Variants in TRRAP observed in about 807,000 individuals in gnomAD.
TRRAP encodes transformation/transcription domain associated protein.
In TRRAP, 41 loss-of-function variants were observed where a neutral mutation model predicts 438.8. That is an observed-to-expected ratio of 0.09 (90% confidence interval 0.07 to 0.12). The LOEUF is 0.12. TRRAP is among the 10% of genes least tolerant of loss of function. TRRAP has a pLI of 1.00. For missense variants in TRRAP, 3,122 were observed against 5,055.1 expected (o/e 0.62, Z 11.60); for synonymous variants, 1,994 against 1,962.9 (o/e 1.02, Z -0.42).
At chr7:98,965,114 ACT>A (rs1252558323) in intron 48 of TRRAP, among the ~76,000 whole-genome samples, 2 of 151,818 alleles carry the variant, frequency 1.3e-5, no homozygotes, top group Non-Finnish European at 2.9e-5. Flanking sequence ...ACAGATTGAG[ACT>A]CTCTCTCACG....
Position 98,930,682 on chromosome 7 carries a change from G to A in TRRAP, c.3443G>A (p.Cys1148Tyr). ...FSYIVERLCACCYEQAWYAKL... is the reference protein window; with the variant it reads ...FSYIVERLCAYCYEQAWYAKL... ...TACATCGTGGAGCGCCTGTGTGCAT[G>A]TTGTTATGAACAGGCGTGGTATGCA... The change falls in exon 25 of 73, where the codon TGT (cysteine) becomes TAT (tyrosine). Residue 1148 changes from cysteine (C) to tyrosine (Y), a missense_variant. Transcript: ENST00000456197. 1 of 1,614,202 alleles carries A rather than the reference G, an allele frequency of 6.2e-7. No homozygotes were observed. The highest frequency in any genetic ancestry group is 8.5e-7 in the Non-Finnish European group (1 of 1,180,048).
intron 26 of TRRAP, among the ~76,000 whole-genome samples, chr7:98,932,432 A>G (rs1790365131): frequency 6.6e-6 from 1 of 152,064 alleles, no homozygotes; most frequent in Admixed American, 6.6e-5. Flanking sequence ...TAACTTTTAA[A>G]ATTATTTCTT....
At chr7:98,938,028 G>A (rs1554414694) in intron 30 of TRRAP, among the ~76,000 whole-genome samples, 1 of 152,110 alleles carries the variant, frequency 6.6e-6, no homozygotes, top group African/African-American at 2.4e-5. Flanking sequence ...ACACAAATTA[G>A]CCTGGTGTGG....
At position 99,008,518 on chromosome 7, in the gene TRRAP, G is replaced by A; in HGVS notation, c.10895G>A (p.Arg3632Gln). The part of the protein sequence containing the change: ...HDNPISRYYD[R>Q]LATVQARGTQ... Reference sequence around the variant, plus strand: ...AACCCCATCTCCCGTTACTATGACCGGCTGGCTACGGTGCAGGCGCGGGGA... The same window carrying A: ...AACCCCATCTCCCGTTACTATGACCAGCTGGCTACGGTGCAGGCGCGGGGA... Residue 3632 changes from arginine to glutamine, a missense_variant, in exon 70 of 73, where the codon CGG becomes CAG. Coordinates refer to ENST00000456197, the MANE Select transcript of TRRAP (RefSeq NM_001375524.1). 1.9e-6 allele frequency: 3 copies of A among 1,614,124 alleles called. No individual in the cohort carries two copies. Among genetic ancestry groups the A allele is most frequent in the East Asian group, 2.2e-5 (1 of 44,892 alleles).
rs1407291619 is a variant in TRRAP at position 98,983,594 on chromosome 7, A to AT, written c.9022+136dup. On this transcript the variant is annotated intron_variant, in intron 60 of 72. Transcript: ENST00000456197. ...CAGGTTTTCTATTTTGGGGTAGGGA[A>AT]TGACAGGTCGGGGTGGTAATGGTAC... 13 of 963,538 alleles carry AT rather than the reference A, an allele frequency of 1.3e-5. No individual in the cohort carries two copies. In the East Asian group the frequency reaches 3.2e-4, roughly 23 times the overall value. 59.7% of individuals were successfully genotyped at this position (963,538 alleles called of 1,614,324 possible).
intron 36 of TRRAP, 36 bp from the exon 37 acceptor site, chr7:98,949,624 C>A: frequency 2.5e-6 from 4 of 1,595,198 alleles, no homozygotes; most frequent in South Asian, 1.1e-5. Context: ...GGGGTTTAAT[C>A]GAGACACGGT....
intron 8 of TRRAP, among the ~76,000 whole-genome samples, chr7:98,898,882 T>C (rs1482146747): frequency 5.3e-5 from 8 of 152,320 alleles, no homozygotes; most frequent in Admixed American, 1.3e-4. Context: ...CAAATGATTA[T>C]GTAGAAAAAT....
chr7:98,965,012 G>A (rs73711457), intron 48 of TRRAP, among the ~76,000 whole-genome samples: 79 of 152,326 alleles, frequency 5.2e-4, no homozygotes, highest in African/African-American at 1.7e-3. Flanking sequence ...GCTCCTCAGC[G>A]GGCTGAGGCA....
chr7:98,888,846 T>C lies in TRRAP; in HGVS notation c.151-1489T>C, dbSNP rs142189674. Among the ~76,000 whole-genome samples, 14 of 152,310 alleles carry C rather than the reference T, an allele frequency of 9.2e-5. No individual in the cohort carries two copies. The East Asian group carries it at 2.1e-3, about 23-fold the overall frequency. ...GTTCTGTATCCTTAGTCTTTTTGTT[T>C]GATATCTGTCTTCCTTCTGCTGCTG... is the stretch of plus-strand genomic sequence containing the variant. On this transcript the variant is annotated intron_variant, in intron 3 of 72. Coordinates refer to ENST00000456197, the MANE Select transcript of TRRAP (RefSeq NM_001375524.1).
chr7:98,925,586 C>T (rs1334060151), intron 22 of TRRAP, among the ~76,000 whole-genome samples: 5 of 152,200 alleles, frequency 3.3e-5, no homozygotes, highest in Non-Finnish European at 5.9e-5. Context: ...CAGCAGCTGG[C>T]GCCTGAAAGG....
Position 99,011,069 on chromosome 7 carries a change from CAAG to C in TRRAP, c.10957_10959del (p.Lys3653del). Reference sequence around the variant, plus strand: ...TGTTTCAGGTCCTCCGCGACATCCTCAAGGAGGTTCAGAGTAACATGGTGCCGC... The same window carrying C: ...TGTTTCAGGTCCTCCGCGACATCCTCGAGGTTCAGAGTAACATGGTGCCGC... On this transcript the variant is annotated inframe_deletion, in exon 71 of 73. Transcript: ENST00000456197. This position sits in a 1 kb window ranked among gnomAD's most constrained non-coding sequence, Gnocchi z 7.1. The C allele has an allele frequency of 6.2e-7, 1 of 1,614,076 alleles. No individual in the cohort carries two copies. The highest frequency in any genetic ancestry group is 8.5e-7 in the Non-Finnish European group (1 of 1,179,966).
rs1405208767 is a variant in TRRAP, at chr7:98,899,455, A to C, written c.667A>C (p.Lys223Gln). ...CATTCCGAGGGGATCACTTTCTCTG[A>C]AAGTGTTGGCAGAATTGCCCATTAT... ...SIIPRGSLSLKVLAELPIIVV... is the reference protein window; with the variant it reads ...SIIPRGSLSLQVLAELPIIVV... Residue 223 changes from lysine to glutamine, a missense_variant, in exon 9 of 73, where the codon AAA becomes CAA. By Grantham distance (53) the Lys-to-Gln change is moderately conservative. Transcript: ENST00000456197. 1 of 1,614,052 alleles carries C rather than the reference A, an allele frequency of 6.2e-7. No individual in the cohort carries two copies. The highest frequency in any genetic ancestry group is 1.7e-5 in the Admixed American group (1 of 60,000).
chr7:98,966,929 G>A, intron 49 of TRRAP, 112 bp from the exon 50 acceptor site: 3 of 1,190,450 alleles, frequency 2.5e-6, no homozygotes, highest in Non-Finnish European at 3.5e-6. Flanking sequence ...TTGCCTTACT[G>A]TTTAGGAATG....
At position 98,956,026 on chromosome 7, in the gene TRRAP, G is replaced by C; in HGVS notation, c.5938-120G>C. The C allele has an allele frequency of 8.1e-7, 1 of 1,228,558 alleles. No individual in the cohort carries two copies. The highest frequency in any genetic ancestry group is 1.1e-6 in the Non-Finnish European group (1 of 898,182). 76.1% of individuals were successfully genotyped at this position (1,228,558 alleles called of 1,614,324 possible). ...GAATTCTTGAGCATCAAGTTGGGCT[G>C]TGTGTGTATGTTGGGGCTGAGAGGC... On this transcript the variant is annotated intron_variant, in intron 41 of 72. Coordinates refer to ENST00000456197, the MANE Select transcript of TRRAP (RefSeq NM_001375524.1). This position sits in a 1 kb window ranked among gnomAD's most constrained non-coding sequence, Gnocchi z 4.5.
chr7:98,921,797 C>T lies in TRRAP; in HGVS notation c.2667C>T (p.His889=), dbSNP rs781796169. ...GCAACCCTGCTGACAGCATCTCCCA[C>T]GTGGCCTACCGTGTGCTCGGTAAGT... ...TLRNPADSIS[H]VAYRVLGKFG... is the part of the protein sequence containing the mutation. Residue 889 remains histidine, a synonymous_variant, in exon 21 of 73, where the codon CAC becomes CAT. Coordinates refer to ENST00000456197, the MANE Select transcript of TRRAP (RefSeq NM_001375524.1). The T allele has an allele frequency of 8.1e-6, 13 of 1,614,216 alleles. No individual in the cohort carries two copies. Among genetic ancestry groups the T allele is most frequent in the South Asian group, 3.3e-5 (3 of 91,084 alleles).
chr7:99,009,909 TAG>T (rs1794353555), intron 70 of TRRAP, among the ~76,000 whole-genome samples: 2 of 138,946 alleles, frequency 1.4e-5, no homozygotes, highest in African/African-American at 5.8e-5. Context: ...TTTTTTTAGA[TAG>T]AGTTTCGCTG....
rs1584280601 is a variant in TRRAP, at chr7:98,897,641, A to G, written c.508-100A>G. ...GTAGAACATACTGTTTTTTTCCACC[A>G]AAGAGTCAAGCGTCTTTTTGTTTTG... On this transcript the variant is annotated intron_variant, in intron 7 of 72. Transcript: ENST00000456197. The G allele has an allele frequency of 1.1e-5, 16 of 1,447,884 alleles. No homozygotes were observed. In the East Asian group the frequency reaches 3.6e-4, roughly 33 times the overall value. The allele number at this position is 1,447,884 out of a possible 1,614,324, so 89.7% of individuals were successfully genotyped here. A position where few individuals can be genotyped will look rare whatever the true frequency, so the allele number is the denominator to read the frequency against.
chr7:98,910,009 G>A, intron 14 of TRRAP, 47 bp from the exon 15 acceptor site: 1 of 1,523,382 alleles, frequency 6.6e-7, no homozygotes, highest in Non-Finnish European at 8.8e-7. Context: ...TTGGCCTGTT[G>A]AAGAAGAATA....
At position 98,948,961 on chromosome 7, in the gene TRRAP, A is replaced by G. The variant is rs191850792; in HGVS notation, c.4788+276A>G. Among the ~76,000 whole-genome samples, 11 of 152,266 alleles carry G rather than the reference A, an allele frequency of 7.2e-5. No homozygotes were observed. The East Asian group carries it at 2.1e-3, about 29-fold the overall frequency. On this transcript the variant is annotated intron_variant, in intron 35 of 72. Coordinates refer to ENST00000456197, the MANE Select transcript of TRRAP (RefSeq NM_001375524.1). The surrounding 1 kb of genome is among the most constrained non-coding windows in gnomAD (Gnocchi z 4.9). The stretch of plus-strand genomic sequence containing the variant: ...TGATTATTATTTAAAAGTATTTTCT[A>G]AGGGCCCACACCTGTAATCCCAGCA...
Sources: allele counts gnomAD v4.1 joint callset (sites outside exome capture counted in the v4.1 genomes callset), GRCh38; gene constraint gnomAD v4.1.1; non-coding constraint Gnocchi (gnomAD v3.1); transcripts MANE v1.5; gene names NCBI Gene and HGNC (gene_info 2026-07-23, HGNC 2026-07-21).